NRG3: variants seen among roughly 807,000 people sequenced by gnomAD.
NRG3 encodes pro-neuregulin-3, membrane-bound isoform.
NRG3 carries 31 observed loss-of-function variants against 66.9 expected under a neutral mutation model. The observed-to-expected ratio is 0.46, with a 90% confidence interval of 0.35 to 0.63. The LOEUF (loss-of-function observed/expected upper bound fraction) is 0.63. Among genes scored for constraint, NRG3 ranks in the 20% least tolerant of loss-of-function variants. The pLI is 0.00. For missense variants in NRG3, 910 were observed against 878.9 expected (o/e 1.04, Z -0.45); for synonymous variants, 393 against 359.4 (o/e 1.09, Z -1.06).
chr10:81,929,740 A>G (rs10883934), intron 1 of NRG3, among the ~76,000 whole-genome samples: 47,520 of 152,070 alleles, frequency 0.31, 8,152 homozygotes, highest in East Asian at 0.59. Context: ...TGCTAGGCAC[A>G]GCAGAATCAC....
intron 1 of NRG3, among the ~76,000 whole-genome samples, chr10:82,010,601 C>T (rs573241952): frequency 1.7e-4 from 26 of 152,246 alleles, no homozygotes; most frequent in Middle Eastern, 3.4e-3. Context: ...AAAAGTTTTC[C>T]CATAAACAGG....
chr10:81,893,165 T>C (rs1327474053), intron 1 of NRG3, among the ~76,000 whole-genome samples: 1 of 152,168 alleles, frequency 6.6e-6, no homozygotes, highest in Non-Finnish European at 1.5e-5. Flanking sequence ...AGATAATTAC[T>C]CTTCTCTTTC....
chr10:82,545,508 A>T (rs1029793442), intron 2 of NRG3, among the ~76,000 whole-genome samples: 6 of 150,646 alleles, frequency 4.0e-5, no homozygotes, highest in African/African-American at 1.5e-4. Flanking sequence ...CCTCCCAAGT[A>T]GCTGGTACTA....
intron 1 of NRG3, among the ~76,000 whole-genome samples, chr10:82,301,909 T>C (rs2080426577): frequency 6.6e-6 from 1 of 151,894 alleles, no homozygotes; most frequent in South Asian, 2.1e-4. Flanking sequence ...TTTTTGGAAA[T>C]AACAAATGGC....
At chr10:81,955,123 T>C (rs1454104167) in intron 1 of NRG3, among the ~76,000 whole-genome samples, 1 of 148,410 alleles carries the variant, frequency 6.7e-6, no homozygotes, top group African/African-American at 2.5e-5. Flanking sequence ...ATTAGACATA[T>C]ACCTGTTATA....
chr10:82,956,001 A>G (rs895371358), intron 5 of NRG3, among the ~76,000 whole-genome samples: 1 of 151,616 alleles, frequency 6.6e-6, no homozygotes, highest in Non-Finnish European at 1.5e-5. Context: ...TCACATTCCA[A>G]CTTCTCCCCA....
chr10:82,707,018 A>T (rs865979390), intron 2 of NRG3, among the ~76,000 whole-genome samples: 65 of 141,318 alleles, frequency 4.6e-4, no homozygotes, highest in African/African-American at 1.7e-3. Flanking sequence ...AAATAAAATA[A>T]ATATATATAT....
chr10:82,244,745 T>C (rs944059533), intron 1 of NRG3, among the ~76,000 whole-genome samples: 1 of 152,022 alleles, frequency 6.6e-6, no homozygotes, highest in Non-Finnish European at 1.5e-5. Flanking sequence ...GATTGACTGA[T>C]TGATTGGAGA....
intron 2 of NRG3, among the ~76,000 whole-genome samples, chr10:82,467,760 G>A (rs1436601714): frequency 6.6e-6 from 1 of 152,150 alleles, no homozygotes; most frequent in Admixed American, 6.5e-5. Flanking sequence ...TGAGACTTAG[G>A]GGCATGGTAG....
chr10:82,277,712 C>G (rs2078923785), intron 1 of NRG3, among the ~76,000 whole-genome samples: 1 of 151,956 alleles, frequency 6.6e-6, no homozygotes, highest in East Asian at 1.9e-4. Context: ...TTGTTATGAC[C>G]TTGCAGGAAG....
chr10:82,340,271 C>G (rs1436328041), intron 1 of NRG3, among the ~76,000 whole-genome samples: 1 of 152,190 alleles, frequency 6.6e-6, no homozygotes, highest in Non-Finnish European at 1.5e-5. Flanking sequence ...TCAACCCACT[C>G]TCTAAGTCTT....
At chr10:82,761,664 TA>T (rs2135065586) in intron 3 of NRG3, among the ~76,000 whole-genome samples, 1 of 151,734 alleles carries the variant, frequency 6.6e-6, no homozygotes, top group East Asian at 1.9e-4. Flanking sequence ...TTTGAAAAAA[TA>T]AAATTAATAA....
At chr10:82,236,851 G>T (rs889289158) in intron 1 of NRG3, among the ~76,000 whole-genome samples, 1 of 151,682 alleles carries the variant, frequency 6.6e-6, no homozygotes, top group Non-Finnish European at 1.5e-5. Flanking sequence ...GAGTAGCTGG[G>T]ACTACAGACG....
intron 2 of NRG3, among the ~76,000 whole-genome samples, chr10:82,436,815 G>T (rs900593696): frequency 1.3e-5 from 2 of 152,144 alleles, no homozygotes; most frequent in Admixed American, 6.5e-5. Flanking sequence ...TGCTGGATAT[G>T]AAATTCTGGG....
At position 82,062,171 on chromosome 10, in the gene NRG3, T is replaced by C. The variant is rs577361267; in HGVS notation, c.823+186008T>C. Among the ~76,000 whole-genome samples, 40 of 152,236 alleles carry C rather than the reference T, an allele frequency of 2.6e-4. No homozygotes were observed. The East Asian group carries it at 6.2e-3, about 24-fold the overall frequency. ...AAGCCCTGCTTGTATCTCTAGAGTG[T>C]TCTTTCCCCTGAAGAGGCCCAAGGT... On this transcript the variant is annotated intron_variant, in intron 1 of 8. Transcript: ENST00000372141.
chr10:81,961,789 C>T (rs1850388755), intron 1 of NRG3, among the ~76,000 whole-genome samples: 1 of 152,240 alleles, frequency 6.6e-6, no homozygotes, highest in Non-Finnish European at 1.5e-5. Flanking sequence ...ATAACTTTTG[C>T]TCCTGTTAGT....
intron 2 of NRG3, among the ~76,000 whole-genome samples, chr10:82,426,871 G>T (rs1194691551): frequency 6.6e-6 from 1 of 151,722 alleles, no homozygotes; most frequent in Non-Finnish European, 1.5e-5. Context: ...GACTGGTCTC[G>T]AACTCCTGGG....
chr10:82,226,041 A>G (rs79314984), intron 1 of NRG3, among the ~76,000 whole-genome samples: 17,950 of 152,102 alleles, frequency 0.12, 1,296 homozygotes, highest in Admixed American at 0.21. Flanking sequence ...TCCAAAAACA[A>G]TACTATTTCT....
At chr10:81,932,166 T>C (rs772647809) in intron 1 of NRG3, among the ~76,000 whole-genome samples, 1 of 138,684 alleles carries the variant, frequency 7.2e-6, no homozygotes, top group Non-Finnish European at 1.6e-5. Context: ...GAGAGAGAGA[T>C]TGAGAGAGAG....
Sources: allele counts gnomAD v4.1 joint callset (sites outside exome capture counted in the v4.1 genomes callset), GRCh38; gene constraint gnomAD v4.1.1; transcripts MANE v1.5; gene names NCBI Gene and HGNC (gene_info 2026-07-23, HGNC 2026-07-21).